LCT: variants seen among roughly 807,000 people sequenced by gnomAD.
LCT encodes the protein lactase, also known as lactase/phlorizin hydrolase.
In LCT, 90 loss-of-function variants were observed where a neutral mutation model predicts 173.0. That is an observed-to-expected ratio of 0.52 (90% CI 0.44 to 0.62). The LOEUF is 0.62. Ranked by LOEUF, LCT falls within the 20% of genes least tolerant of loss-of-function variation. The pLI, the probability that LCT is intolerant of heterozygous loss-of-function variation, is 0.00. For synonymous variants in LCT, 853 were observed against 957.6 expected (o/e 0.89, Z 2.02); for missense variants, 1,864 against 2,431.4 (o/e 0.77, Z 4.91).
At position 135,809,105 on chromosome 2, in the gene LCT, G is replaced by A; in HGVS notation, c.3242C>T (p.Pro1081Leu). 1 of 1,613,996 alleles carries A rather than the reference G, an allele frequency of 6.2e-7. No individual in the cohort carries two copies. Among genetic ancestry groups the A allele is most frequent in the Non-Finnish European group, 8.5e-7 (1 of 1,180,022 alleles). The change falls in exon 8 of 17, where the codon CCA (proline) becomes CTA (leucine). Residue 1081 changes from proline to leucine, a missense_variant. By Grantham distance (98) the Pro-to-Leu change is moderately conservative (BLOSUM62 -3). Around this residue, in one of 4 missense-constraint regions of LCT, gnomAD observed 755 missense variants for 926.3 expected, o/e 0.82. Coordinates refer to ENST00000264162, the MANE Select transcript of LCT (RefSeq NM_002299.4). The surrounding 1 kb of genome is among the most constrained non-coding windows in gnomAD (Gnocchi z 5.5). ...TGCCCAGCCTGGGTCCTTCACCCCT[G>A]GGGGAAATTCCCCTGAGCCATAACC... ...WLGYGSGEFP[P>L]GVKDPGWAPY...
chr2:135,804,180 CCCTAGGTTAG>C, intron 10 of LCT, 52 bp from the exon 11 acceptor site: 4 of 1,457,426 alleles, frequency 2.7e-6, no homozygotes, highest in Non-Finnish European at 2.9e-6. Flanking sequence ...CCATGGGAAG[CCCTAGGTTAG>C]ATGTGCCAGC....
At chr2:135,793,527 C>G (rs1394190648) in intron 14 of LCT, among the ~76,000 whole-genome samples, 1 of 152,140 alleles carries the variant, frequency 6.6e-6, no homozygotes, top group Non-Finnish European at 1.5e-5. Flanking sequence ...TGAGAAGGAA[C>G]CAGAAATGTT....
chr2:135,830,754 G>A (rs553941200), intron 2 of LCT, among the ~76,000 whole-genome samples: 5 of 152,320 alleles, frequency 3.3e-5, no homozygotes, highest in African/African-American at 9.6e-5. Context: ...TATCACTCCA[G>A]CATTCCCTGC....
rs60298631 is a variant in LCT at position 135,834,787 on chromosome 2, CAAAAAAAA to C, written c.641-1605_641-1598del. Reference sequence around the variant, plus strand: ...TGGACAAAAGAGTGAGACTCCATCTCAAAAAAAAAAAAAAAAAAAAAAAGAAGAAGAAA... The same window carrying C: ...TGGACAAAAGAGTGAGACTCCATCTCAAAAAAAAAAAAAAAGAAGAAGAAA... On this transcript the variant is annotated intron_variant, in intron 1 of 16. Transcript: ENST00000264162. 3.2e-4 allele frequency among the ~76,000 whole-genome samples: 11 copies of C among 34,164 alleles called. No homozygotes were observed. The Admixed American group carries it at 5.3e-3, about 17-fold the overall frequency. The allele number at this position is 34,164 out of a possible 152,430, so 22.4% of individuals were successfully genotyped here. A position where few individuals can be genotyped will look rare whatever the true frequency, so the allele number is the denominator to read the frequency against.
chr2:135,817,314 A>T, intron 6 of LCT, 27 bp downstream of exon 6: 1 of 1,608,474 alleles, frequency 6.2e-7, no homozygotes, highest in Non-Finnish European at 8.5e-7. Flanking sequence ...TCCTCCAATT[A>T]GTAGGAGCTG....
At position 135,788,464 on chromosome 2, in the gene LCT, T is replaced by G; in HGVS notation, c.5644A>C (p.Thr1882Pro). 1 of 1,613,592 alleles carries G rather than the reference T, an allele frequency of 6.2e-7. No individual in the cohort carries two copies. Among genetic ancestry groups the G allele is most frequent in the Non-Finnish European group, 8.5e-7 (1 of 1,179,914 alleles). The change falls in exon 17 of 17, where the codon ACA (threonine) becomes CCA (proline). Residue 1882 changes from threonine (T) to proline (P), a missense_variant. Transcript: ENST00000264162. The stretch of plus-strand genomic sequence containing the variant: ...AGAGAAAAGAGAACGTACAAAGCTG[T>G]CTGTGCTTCTGTGGTGCCGAGCATT... ...GLMLGTTEAQ[T>P]ALYVLFSLVL...
intron 9 of LCT, among the ~76,000 whole-genome samples, chr2:135,805,584 T>A (rs745791416): frequency 6.6e-6 from 1 of 152,156 alleles, no homozygotes; most frequent in Non-Finnish European, 1.5e-5. Context: ...TTTTAGGACA[T>A]CAGAATAAGC....
intron 11 of LCT, among the ~76,000 whole-genome samples, chr2:135,803,601 T>C (rs2077644895): frequency 6.6e-6 from 1 of 152,216 alleles, no homozygotes; most frequent in Non-Finnish European, 1.5e-5. Context: ...GGTTTGGGAA[T>C]TGTGGAAATA....
Position 135,804,860 on chromosome 2 carries a change from G to T in LCT, c.4371C>A (p.Leu1457=), listed in dbSNP as rs2105529113. The T allele has an allele frequency of 6.2e-7, 1 of 1,614,112 alleles. No homozygotes were observed. Among genetic ancestry groups the T allele is most frequent in the East Asian group, 2.2e-5 (1 of 44,878 alleles). Residue 1457 remains leucine (L), a synonymous_variant, in exon 10 of 17, where the codon CTC becomes CTA. Coordinates refer to ENST00000264162, the MANE Select transcript of LCT (RefSeq NM_002299.4). Reference sequence around the variant, plus strand: ...TGATGTACCTGGTGGTTCCATCAGGGAGGATGCGAGACCAGGAGATGGAAA... The same window carrying T: ...TGATGTACCTGGTGGTTCCATCAGGTAGGATGCGAGACCAGGAGATGGAAA... ...YRFSISWSRI[L]PDGTTRYINE...
intron 16 of LCT, 33 bp from the exon 17 acceptor site, chr2:135,788,577 C>T (rs1295645471): frequency 1.5e-6 from 2 of 1,378,858 alleles, no homozygotes; most frequent in African/African-American, 1.4e-5. Flanking sequence ...GGTTGGTGCT[C>T]TGGCGCTGAT....
chr2:135,800,812 G>A lies in LCT; in HGVS notation c.4664-3C>T. 2 of 1,608,060 alleles carry A rather than the reference G, an allele frequency of 1.2e-6. No individual in the cohort carries two copies. Among genetic ancestry groups the A allele is most frequent in the Non-Finnish European group, 1.7e-6 (2 of 1,174,626 alleles). ...AGTGCCAGGCCTATTGGAGACTCCT[G>A]GAAACATACACATGGATGTCAACAG... On this transcript the variant is annotated splice_region_variant and splice_polypyrimidine_tract_variant and intron_variant, in intron 11 of 16. Transcript: ENST00000264162.
intron 13 of LCT, among the ~76,000 whole-genome samples, chr2:135,797,101 C>T (rs1480984502): frequency 1.3e-5 from 2 of 152,092 alleles, no homozygotes; most frequent in African/African-American, 2.4e-5. Context: ...GCCCCCGCCA[C>T]CGCACCCAGC....
At chr2:135,833,236 G>A in intron 1 of LCT, 46 bp from the exon 2 acceptor site, 2 of 1,389,858 alleles carry the variant, frequency 1.4e-6, no homozygotes, top group South Asian at 1.2e-5. Flanking sequence ...GAGGGCAGGA[G>A]GCTCTGACTG....
chr2:135,830,560 G>A (rs2077929234), intron 2 of LCT, among the ~76,000 whole-genome samples: 1 of 152,198 alleles, frequency 6.6e-6, no homozygotes, highest in Non-Finnish European at 1.5e-5. Flanking sequence ...TCCATTATGG[G>A]AATGCTAAGC....
In LCT at chr2:135,812,797, A is replaced by G; in HGVS notation, c.1867T>C (p.Phe623Leu). 1 of 1,614,184 alleles carries G rather than the reference A, an allele frequency of 6.2e-7. No homozygotes were observed. Among genetic ancestry groups the G allele is most frequent in the Non-Finnish European group, 8.5e-7 (1 of 1,180,046 alleles). ...RPEDLRASER[F>L]LHFMLGWFAH... is the part of the protein sequence containing the mutation. ...AACCAGCCCAGCATGAAGTGCAAGA[A>G]GCGCTCAGAGGCTCTCAGGTCCTCA... is the stretch of plus-strand genomic sequence containing the variant. Residue 623 changes from phenylalanine to leucine, a missense_variant, in exon 7 of 17, where the codon TTC becomes CTC. Physicochemically the swap from Phe to Leu is conservative, Grantham distance 22. Transcript: ENST00000264162.
At chr2:135,827,665 G>A (rs940982620) in intron 3 of LCT, among the ~76,000 whole-genome samples, 3 of 152,130 alleles carry the variant, frequency 2.0e-5, no homozygotes, top group African/African-American at 7.2e-5. Context: ...TGGATCCCTC[G>A]CATGCGCAGT....
intron 7 of LCT, among the ~76,000 whole-genome samples, chr2:135,810,505 A>T (rs2105535569): frequency 6.6e-6 from 1 of 152,298 alleles, no homozygotes; most frequent in South Asian, 2.1e-4. Context: ...CTCAAACCAA[A>T]GGAGCATCCC....
chr2:135,788,641 C>T (rs545155536), intron 16 of LCT, 97 bp from the exon 17 acceptor site: 55 of 818,628 alleles, frequency 6.7e-5, no homozygotes, highest in African/African-American at 4.0e-4. Flanking sequence ...ACCCCAAATC[C>T]GCACAGCCAT....
In LCT at chr2:135,788,158, C is replaced by T; in HGVS notation, c.*166G>A. On this transcript the variant is annotated 3_prime_UTR_variant, in exon 17 of 17. Coordinates refer to ENST00000264162, the MANE Select transcript of LCT (RefSeq NM_002299.4). ...GCAAGATGGAGATATTTCCATTTTA[C>T]TCAGCAAGTCGAAATCATTCAAGAT... 1.5e-6 allele frequency: 1 copy of T among 677,118 alleles called. No individual in the cohort carries two copies. The highest frequency in any genetic ancestry group is 1.7e-5 in the South Asian group (1 of 59,028). 41.9% of individuals were successfully genotyped at this position (677,118 alleles called of 1,614,324 possible).
Sources: gnomAD v4.1 joint callset for allele counts (sites outside exome capture counted in the v4.1 genomes callset) on GRCh38, gnomAD v4.1.1 for gene constraint, gnomAD v4.1.1 regional missense constraint, Gnocchi (gnomAD v3.1) non-coding constraint, MANE v1.5 for transcripts, NCBI Gene and HGNC (gene_info 2026-07-23, HGNC 2026-07-21) for gene names.